The following TBC1D1 variants were observed in gnomAD, a reference collection of about 807,000 sequenced individuals.
TBC1D1 encodes TBC1 (tre-2/USP6, BUB2, cdc16) domain family, member 1.
TBC1D1 carries 89 observed loss-of-function variants against 125.6 expected under a neutral mutation model. The observed-to-expected ratio is 0.71, with a 90% confidence interval of 0.60 to 0.85. The LOEUF is 0.85. Among genes scored for constraint, TBC1D1 ranks in the 40% least tolerant of loss-of-function variants. The pLI, the probability that TBC1D1 is intolerant of heterozygous loss-of-function variation, is 0.00. For synonymous variants in TBC1D1, 565 were observed against 564.1 expected, an observed-to-expected ratio of 1.00 and a Z score of -0.02; for missense variants, 1,377 against 1,469.2, an observed-to-expected ratio of 0.94 and a Z score of 1.03.
intron 2 of TBC1D1, among the ~76,000 whole-genome samples, chr4:37,910,143 G>A (rs867128393): frequency 4.6e-5 from 7 of 152,064 alleles, no homozygotes; most frequent in Non-Finnish European, 7.4e-5. Context: ...ACTTTATATA[G>A]CTTTGCATTT....
intron 2 of TBC1D1, among the ~76,000 whole-genome samples, chr4:37,957,399 A>G (rs1198257371): frequency 1.3e-5 from 2 of 152,118 alleles, no homozygotes; most frequent in East Asian, 3.9e-4. Context: ...GCAGGAGGAT[A>G]TCTTGAGCCC....
chr4:38,093,170 G>A (rs68066615), intron 13 of TBC1D1, among the ~76,000 whole-genome samples: 21,209 of 152,026 alleles, frequency 0.14, 1,887 homozygotes, highest in East Asian at 0.42. Context: ...TTGAAGGAAG[G>A]TTAAATTGCA....
chr4:38,054,457 G>T lies in TBC1D1; in HGVS notation c.2050+119G>T, dbSNP rs538016037. 641 of 1,321,102 alleles carry T rather than the reference G, an allele frequency of 4.9e-4. 1 individual carries two copies. Among genetic ancestry groups the T allele is most frequent in the Non-Finnish European group, 6.2e-4 (595 of 962,822 alleles). 81.8% of individuals were successfully genotyped at this position (1,321,102 alleles called of 1,614,324 possible). ...CCTCTTCAGTATTGGCAGGTCTGAG[G>T]CAATCACAAAGGTAACTAGGGAGGG... On this transcript the variant is annotated intron_variant, in intron 12 of 19. Transcript: ENST00000261439.
chr4:38,137,195 A>G lies in TBC1D1; in HGVS notation c.3367A>G (p.Ser1123Gly), dbSNP rs1560286389. Residue 1123 changes from serine (S) to glycine (G), a missense_variant, in exon 20 of 20, where the codon AGC (serine) becomes GGC (glycine). Ser to Gly is a moderately conservative substitution (Grantham distance 56). Around this residue, in one of 3 missense-constraint regions of TBC1D1, gnomAD observed 543 missense variants for 613.5 expected, o/e 0.89. Transcript: ENST00000261439. ...CATTGAGAAGCTCCTGAGCAGTGAG[A>G]GCAAGCTGAAGCAGGCCATGCTTAC... 3 of 1,613,212 alleles carry G rather than the reference A, an allele frequency of 1.9e-6. No individual in the cohort carries two copies. Among genetic ancestry groups the G allele is most frequent in the African/African-American group, 1.3e-5 (1 of 75,020 alleles).
chr4:38,061,726 A>T (rs1337917627), intron 12 of TBC1D1, among the ~76,000 whole-genome samples: 1 of 152,238 alleles, frequency 6.6e-6, no homozygotes, highest in Non-Finnish European at 1.5e-5. Flanking sequence ...AGTGGATTAG[A>T]TATTAGATAT....
chr4:38,052,724 GCGCGCACACACACA>G (rs1449417103), intron 11 of TBC1D1, among the ~76,000 whole-genome samples: 3 of 60,008 alleles, frequency 5.0e-5, no homozygotes, highest in African/African-American at 1.1e-4. Context: ...GCGCGCGCGC[GCGCGCACACACACA>G]CACACACACA....
chr4:38,125,600 G>A (rs1411250453), intron 18 of TBC1D1, among the ~76,000 whole-genome samples: 2 of 151,976 alleles, frequency 1.3e-5, no homozygotes, highest in African/African-American at 4.8e-5. Context: ...TTCATGATGT[G>A]TGTGTGTGGT....
intron 2 of TBC1D1, among the ~76,000 whole-genome samples, chr4:37,945,166 C>T (rs1049834165): frequency 1.3e-5 from 2 of 152,060 alleles, no homozygotes; most frequent in South Asian, 2.1e-4. Context: ...CCCAAATCAT[C>T]GCTCTTGGTC....
At chr4:37,955,025 A>T (rs1465917506) in intron 2 of TBC1D1, among the ~76,000 whole-genome samples, 2 of 151,966 alleles carry the variant, frequency 1.3e-5, no homozygotes, top group Non-Finnish European at 2.9e-5. Context: ...CAGGTGATAC[A>T]AAGCTCTGTA....
At chr4:37,987,030 C>G (rs1025359619) in intron 2 of TBC1D1, among the ~76,000 whole-genome samples, 15 of 152,180 alleles carry the variant, frequency 9.9e-5, no homozygotes, top group Admixed American at 8.5e-4. Context: ...GCTCCTGTTT[C>G]CCGGAAGGCA....
At chr4:37,938,988 G>T (rs570099688) in intron 2 of TBC1D1, among the ~76,000 whole-genome samples, 1 of 152,188 alleles carries the variant, frequency 6.6e-6, no homozygotes, top group African/African-American at 2.4e-5. Flanking sequence ...ATAAACATAC[G>T]TGTGCATGTG....
intron 2 of TBC1D1, chr4:37,960,472 A>G: frequency 2.5e-6 from 4 of 1,613,956 alleles, no homozygotes; most frequent in Non-Finnish European, 3.4e-6. Context: ...GAAATTGGAG[A>G]ACCAGGCACC....
chr4:38,028,448 G>A (rs925506166), intron 7 of TBC1D1, among the ~76,000 whole-genome samples: 1 of 152,228 alleles, frequency 6.6e-6, no homozygotes, highest in Admixed American at 6.5e-5. Context: ...ACAGGCGTGA[G>A]CCACCACGCC....
intron 1 of TBC1D1, among the ~76,000 whole-genome samples, chr4:37,901,282 G>A (rs1364308895): frequency 6.6e-6 from 1 of 151,864 alleles, no homozygotes; most frequent in African/African-American, 2.4e-5. Flanking sequence ...TCAGCCTCCT[G>A]AGTAGCTGGG....
intron 2 of TBC1D1, among the ~76,000 whole-genome samples, chr4:37,938,992 G>T (rs2152301368): frequency 6.6e-6 from 1 of 152,328 alleles, no homozygotes; most frequent in Non-Finnish European, 1.5e-5. Flanking sequence ...ACATACGTGT[G>T]CATGTGTCTT....
intron 2 of TBC1D1, among the ~76,000 whole-genome samples, chr4:37,924,836 G>A (rs929144535): frequency 1.3e-5 from 2 of 152,150 alleles, no homozygotes; most frequent in African/African-American, 4.8e-5. Flanking sequence ...TGTGAACATG[G>A]GTGTACAAAT....
In TBC1D1 at chr4:38,014,751, G is replaced by A. The variant is rs61731587; in HGVS notation, c.660G>A (p.Ala220=). 0.016 allele frequency: 21,512 copies of A among 1,304,140 alleles called. 274 individuals are homozygous for A. Among genetic ancestry groups the A allele is most frequent in the African/African-American group, 0.058 (3,961 of 67,872 alleles). The allele number at this position is 1,304,140 out of a possible 1,614,324, so 80.8% of individuals were successfully genotyped here. The change falls in exon 3 of 20, where the codon GCG becomes GCA. Residue 220 remains alanine (A), a synonymous_variant. Coordinates refer to ENST00000261439, the MANE Select transcript of TBC1D1 (RefSeq NM_015173.4). The surrounding 1 kb of genome is among the most constrained non-coding windows in gnomAD (Gnocchi z 5.1). ...CCCGCCCCAACCCGCCCCATGCCGC[G>A]CCCACAGGGAGCCAGGAGCCTGTGC...
intron 2 of TBC1D1, among the ~76,000 whole-genome samples, chr4:37,976,766 A>G (rs989241185): frequency 1.3e-5 from 2 of 152,162 alleles, no homozygotes; most frequent in African/African-American, 4.8e-5. Context: ...GAAGAAAACT[A>G]TGGTGAAATC....
At chr4:38,086,391 A>G (rs563650581) in intron 12 of TBC1D1, among the ~76,000 whole-genome samples, 1 of 152,312 alleles carries the variant, frequency 6.6e-6, no homozygotes, top group Non-Finnish European at 1.5e-5. Flanking sequence ...TCTACAGTGT[A>G]TAAAACTGTT....
Sources: gnomAD v4.1 joint callset for allele counts (sites outside exome capture counted in the v4.1 genomes callset) on GRCh38, gnomAD v4.1.1 for gene constraint, gnomAD v4.1.1 regional missense constraint, Gnocchi (gnomAD v3.1) non-coding constraint, MANE v1.5 for transcripts, NCBI Gene and HGNC (gene_info 2026-07-23, HGNC 2026-07-21) for gene names.